The following MYO1E variants were observed in gnomAD, a reference collection of about 807,000 sequenced individuals.
The protein encoded by MYO1E is myosin IE.
A neutral mutation model predicts 151.1 loss-of-function variants in MYO1E; 68 were observed. That is an observed-to-expected ratio of 0.45 (90% CI 0.37 to 0.55). MYO1E has a LOEUF of 0.55. MYO1E is among the 20% of genes least tolerant of loss of function. The probability of loss-of-function intolerance (pLI) is 0.00; values close to 1 mark genes in which losing one functional copy is unlikely to be tolerated. For missense variants in MYO1E, 1,363 were observed against 1,389.3 expected, an observed-to-expected ratio of 0.98 and a Z score of 0.30; for synonymous variants, 601 against 501.7, an observed-to-expected ratio of 1.20 and a Z score of -2.64.
intron 1 of MYO1E, among the ~76,000 whole-genome samples, chr15:59,292,809 A>G (rs1396457694): frequency 6.6e-6 from 1 of 152,212 alleles, no homozygotes; most frequent in Non-Finnish European, 1.5e-5. Context: ...ATAGCCCACT[A>G]TCTACTACTT....
chr15:59,234,538 G>A (rs1420737943), intron 5 of MYO1E, among the ~76,000 whole-genome samples: 1 of 152,126 alleles, frequency 6.6e-6, no homozygotes, highest in Non-Finnish European at 1.5e-5. Context: ...AATAGAAAGG[G>A]GCCAGACATG....
rs1461654711 is a variant in MYO1E at position 59,342,128 on chromosome 15, G to T, written c.3+30370C>A. Among the ~76,000 whole-genome samples the T allele has an allele frequency of 5.9e-5, 9 of 152,308 alleles. No individual in the cohort carries two copies. The East Asian group carries it at 1.7e-3, about 29-fold the overall frequency. ...TTCATTGGCATGTCTCTGATTTTCA[G>T]TGGTGTTGAGCACCTTTTCATACAC... On this transcript the variant is annotated intron_variant, in intron 1 of 27. Transcript: ENST00000288235.
rs1039967158 is a variant in MYO1E at position 59,159,392 on chromosome 15, C to A, written c.2786-1013G>T. On this transcript the variant is annotated intron_variant, in intron 24 of 27. Coordinates refer to ENST00000288235, the MANE Select transcript of MYO1E (RefSeq NM_004998.4). This position sits in a 1 kb window ranked among gnomAD's most constrained non-coding sequence, Gnocchi z 4.4. ...TTTGCCCGGCTCTGTGCCCTGGGGTCTGAGTCCTGTGGACAGCCAGGCCTC... is the reference window on the plus strand; with the variant it reads ...TTTGCCCGGCTCTGTGCCCTGGGGTATGAGTCCTGTGGACAGCCAGGCCTC... Among the ~76,000 whole-genome samples, 4 of 152,384 alleles carry A rather than the reference C, an allele frequency of 2.6e-5. No individual in the cohort carries two copies. Among genetic ancestry groups the A allele is most frequent in the Non-Finnish European group, 4.4e-5 (3 of 68,036 alleles).
chr15:59,200,873 G>GT (rs1566976998), intron 16 of MYO1E, among the ~76,000 whole-genome samples: 2 of 152,056 alleles, frequency 1.3e-5, no homozygotes, highest in East Asian at 3.9e-4. Flanking sequence ...CACTGAGAGC[G>GT]TAAGTAACAC....
At chr15:59,310,337 T>C (rs1365871297) in intron 1 of MYO1E, among the ~76,000 whole-genome samples, 1 of 152,234 alleles carries the variant, frequency 6.6e-6, no homozygotes, top group Non-Finnish European at 1.5e-5. Context: ...GGCCACAGTA[T>C]CTGTGAATGT....
At chr15:59,245,260 A>G (rs559394623) in intron 4 of MYO1E, among the ~76,000 whole-genome samples, 52 of 152,360 alleles carry the variant, frequency 3.4e-4, no homozygotes, top group African/African-American at 1.2e-3. Flanking sequence ...CACAGCAAAG[A>G]GCACGAGAGA....
chr15:59,336,354 G>C (rs2080728253), intron 1 of MYO1E, among the ~76,000 whole-genome samples: 1 of 151,910 alleles, frequency 6.6e-6, no homozygotes, highest in Non-Finnish European at 1.5e-5. Flanking sequence ...TCGGTGATGG[G>C]AGTGAAACGC....
intron 1 of MYO1E, among the ~76,000 whole-genome samples, chr15:59,292,267 CCCAATGGGTG>C (rs1472230589): frequency 1.8e-4 from 28 of 152,286 alleles, no homozygotes; most frequent in African/African-American, 6.7e-4. Context: ...TTCAAACACA[CCCAATGGGTG>C]TTTCCCTTGT....
At chr15:59,286,345 A>G (rs150832902) in intron 1 of MYO1E, among the ~76,000 whole-genome samples, 257 of 152,282 alleles carry the variant, frequency 1.7e-3, no homozygotes, top group Admixed American at 2.5e-3. Context: ...AGATTGCCCT[A>G]TTTTTCTGAA....
intron 1 of MYO1E, among the ~76,000 whole-genome samples, chr15:59,360,647 C>G (rs1428348643): frequency 6.6e-6 from 1 of 151,926 alleles, no homozygotes; most frequent in Non-Finnish European, 1.5e-5. Flanking sequence ...CCCTTTTTTT[C>G]CCCCAACAAA....
In MYO1E at chr15:59,174,129, C is replaced by T. The variant is rs1418409683; in HGVS notation, c.2161G>A (p.Glu721Lys). Residue 721 changes from glutamate (E) to lysine (K), a missense_variant, in exon 20 of 28, where the codon GAA becomes AAA. Coordinates refer to ENST00000288235, the MANE Select transcript of MYO1E (RefSeq NM_004998.4). ...TGAAACAAAATTGCTAAAATACCTTCTTCTCTCATTTGAACGTATTTCTTC... is the reference window on the plus strand; with the variant it reads ...TGAAACAAAATTGCTAAAATACCTTTTTCTCTCATTTGAACGTATTTCTTC... The part of the protein sequence containing the change: ...ARKKYVQMRE[E>K]ASDLLLNKKE... 2 of 1,611,754 alleles carry T rather than the reference C, an allele frequency of 1.2e-6. No homozygotes were observed. The highest frequency in any genetic ancestry group is 1.1e-5 in the South Asian group (1 of 91,038).
chr15:59,207,781 A>C (rs1451624803), intron 14 of MYO1E: 16 of 1,614,248 alleles, frequency 9.9e-6, no homozygotes, highest in Non-Finnish European at 1.2e-5. Context: ...AAATGTCCAC[A>C]AAGAAGTGAC....
intron 16 of MYO1E, among the ~76,000 whole-genome samples, chr15:59,198,305 C>T (rs574248325): frequency 1.3e-5 from 2 of 152,180 alleles, no homozygotes; most frequent in Admixed American, 6.5e-5. Context: ...TGTTAAAATA[C>T]GCAGACAGCA....
intron 12 of MYO1E, chr15:59,212,799 C>G (rs2079887492): frequency 6.6e-6 from 1 of 152,118 alleles, no homozygotes; most frequent in African/African-American, 2.4e-5. Context: ...AAAATGGTGT[C>G]TTCATGAAAG....
chr15:59,371,662 A>G (rs2080945614), intron 1 of MYO1E, among the ~76,000 whole-genome samples: 1 of 152,100 alleles, frequency 6.6e-6, no homozygotes, highest in African/African-American at 2.4e-5. Flanking sequence ...ACAGCAACAA[A>G]CTCGAAACTC....
At chr15:59,368,286 G>GCCAGCCT (rs1397660920) in intron 1 of MYO1E, among the ~76,000 whole-genome samples, 1 of 152,174 alleles carries the variant, frequency 6.6e-6, no homozygotes, top group African/African-American at 2.4e-5. Context: ...CTCTCTAGAG[G>GCCAGCCT]CCAGCCTCCC....
chr15:59,262,444 C>T (rs1335990045), intron 2 of MYO1E, among the ~76,000 whole-genome samples: 8 of 151,862 alleles, frequency 5.3e-5, no homozygotes, highest in Admixed American at 5.3e-4. Flanking sequence ...TAGCAAAACT[C>T]CATCTCTAAA....
intron 1 of MYO1E, among the ~76,000 whole-genome samples, chr15:59,277,874 C>T (rs1032791654): frequency 3.0e-4 from 46 of 152,270 alleles, no homozygotes; most frequent in South Asian, 8.3e-4. Context: ...TTTTTTAAAA[C>T]GGCATGTTTG....
At chr15:59,272,103 G>T in intron 2 of MYO1E, 1 of 572,498 alleles carries the variant, frequency 1.7e-6, no homozygotes, top group Non-Finnish European at 3.1e-6. Flanking sequence ...CAGGAATAAA[G>T]CCACAAGTTC....
Sources: gnomAD v4.1 joint callset for allele counts (sites outside exome capture counted in the v4.1 genomes callset) on GRCh38, gnomAD v4.1.1 for gene constraint, Gnocchi (gnomAD v3.1) non-coding constraint, MANE v1.5 for transcripts, NCBI Gene and HGNC (gene_info 2026-07-23, HGNC 2026-07-21) for gene names.